SPOCK3: variants seen among roughly 807,000 people sequenced by gnomAD.
SPOCK3 encodes SPARC (osteonectin), cwcv and kazal like domains proteoglycan 3, also known as testican-3.
SPOCK3 carries 30 observed loss-of-function variants against 56.6 expected under a neutral mutation model. That is an observed-to-expected ratio of 0.53 (90% confidence interval 0.40 to 0.72). The LOEUF (loss-of-function observed/expected upper bound fraction) is 0.72. Among genes scored for constraint, SPOCK3 ranks in the 30% least tolerant of loss-of-function variants. The pLI is 0.00. For missense variants in SPOCK3, 527 were observed against 530.0 expected (o/e 0.99, Z 0.06); for synonymous variants, 196 against 183.3 (o/e 1.07, Z -0.56).
At chr4:166,999,236 G>T (rs569154522) in intron 4 of SPOCK3, among the ~76,000 whole-genome samples, 1 of 151,950 alleles carries the variant, frequency 6.6e-6, no homozygotes, top group Non-Finnish European at 1.5e-5. Flanking sequence ...TTTCAAACCC[G>T]CATACCTTTG....
chr4:167,152,424 C>T (rs931784712), intron 2 of SPOCK3, among the ~76,000 whole-genome samples: 2 of 152,112 alleles, frequency 1.3e-5, no homozygotes, highest in East Asian at 3.9e-4. Context: ...AACAACGAAC[C>T]ATGGAGTAGT....
intron 6 of SPOCK3, among the ~76,000 whole-genome samples, chr4:166,847,663 A>ATAGATATATATATATATATATATATC (rs1748227725): frequency 1.0e-5 from 1 of 98,358 alleles, no homozygotes; most frequent in East Asian, 4.1e-4. Flanking sequence ...ATATATATAT[A>ATAGATATATATATATATATATATATC]TATATATATA....
At chr4:167,001,047 A>G (rs537584775) in intron 3 of SPOCK3, among the ~76,000 whole-genome samples, 20 of 152,306 alleles carry the variant, frequency 1.3e-4, no homozygotes, top group Non-Finnish European at 4.4e-5. Flanking sequence ...CATTTCTTCA[A>G]ACAAACCTGT....
intron 4 of SPOCK3, among the ~76,000 whole-genome samples, chr4:166,953,037 G>C (rs1195736404): frequency 1.3e-5 from 2 of 151,780 alleles, no homozygotes; most frequent in African/African-American, 2.4e-5. Context: ...AGGACTTCAT[G>C]TCTAAAAAAC....
intron 6 of SPOCK3, among the ~76,000 whole-genome samples, chr4:166,879,942 C>T (rs1295472770): frequency 6.6e-6 from 1 of 152,122 alleles, no homozygotes; most frequent in African/African-American, 2.4e-5. Context: ...GACATGCCTG[C>T]TTCCCCTTTG....
intron 7 of SPOCK3, among the ~76,000 whole-genome samples, chr4:166,763,376 C>T (rs549735979): frequency 6.6e-6 from 1 of 151,846 alleles, no homozygotes; most frequent in Non-Finnish European, 1.5e-5. Context: ...TCAAGAGTTA[C>T]AACTCTTGAA....
intron 4 of SPOCK3, among the ~76,000 whole-genome samples, chr4:166,920,338 A>T (rs1738348957): frequency 6.6e-6 from 1 of 152,176 alleles, no homozygotes; most frequent in Non-Finnish European, 1.5e-5. Flanking sequence ...TGGCTAATGA[A>T]ATCTGAAATT....
intron 4 of SPOCK3, among the ~76,000 whole-genome samples, chr4:166,931,337 T>TA (rs1554004180): frequency 9.6e-6 from 1 of 104,506 alleles, no homozygotes; most frequent in Non-Finnish European, 2.1e-5. Flanking sequence ...GTGTGGGGGG[T>TA]GGGGGGGCAA....
intron 6 of SPOCK3, among the ~76,000 whole-genome samples, chr4:166,838,156 T>C (rs528377305): frequency 6.6e-6 from 1 of 152,322 alleles, no homozygotes; most frequent in South Asian, 2.1e-4. Flanking sequence ...TGTGGATTTC[T>C]TTAGCTTTAT....
chr4:167,079,710 G>C (rs552877898), intron 2 of SPOCK3, among the ~76,000 whole-genome samples: 1 of 152,116 alleles, frequency 6.6e-6, no homozygotes, highest in Admixed American at 6.6e-5. Context: ...GTTAATTACA[G>C]TTCAGGGAAA....
At chr4:166,821,529 A>G (rs948497274) in intron 6 of SPOCK3, among the ~76,000 whole-genome samples, 2 of 152,106 alleles carry the variant, frequency 1.3e-5, no homozygotes, top group African/African-American at 4.8e-5. Context: ...AGTGGAACCT[A>G]TCCAATTTTC....
intron 4 of SPOCK3, among the ~76,000 whole-genome samples, chr4:166,937,934 C>CTTTT (rs548107592): frequency 2.4e-4 from 31 of 131,550 alleles, no homozygotes; most frequent in African/African-American, 6.0e-4. Flanking sequence ...CGGCTAATCT[C>CTTTT]TTTTTTTTTT....
chr4:166,910,445 G>A (rs1192233576), intron 5 of SPOCK3, among the ~76,000 whole-genome samples: 1 of 151,930 alleles, frequency 6.6e-6, no homozygotes, highest in Non-Finnish European at 1.5e-5. Context: ...TGTGCCTCAC[G>A]CCCAAGGAGA....
rs530975630 is a variant in SPOCK3, at chr4:167,166,759, T to C, written c.189+67226A>G. The stretch of plus-strand genomic sequence containing the variant: ...TATTTCTTTTGAAAACTGTTAAAAA[T>C]GTATGCATGGGATTTTGAAAATGGC... On this transcript the variant is annotated intron_variant, in intron 2 of 10. Transcript: ENST00000357545. 7.9e-5 allele frequency among the ~76,000 whole-genome samples: 12 copies of C among 152,210 alleles called. 1 individual carries two copies. Among genetic ancestry groups the C allele is most frequent in the African/African-American group, 2.6e-4 (11 of 41,562 alleles).
rs1734318256 is a variant in SPOCK3, at chr4:166,737,388, G to C, written c.1132+79C>G. 8 of 1,440,964 alleles carry C rather than the reference G, an allele frequency of 5.6e-6. No individual in the cohort carries two copies. The Admixed American group carries it at 1.2e-4, about 21-fold the overall frequency. The allele number at this position is 1,440,964 out of a possible 1,614,324, so 89.3% of individuals were successfully genotyped here. On this transcript the variant is annotated intron_variant, in intron 10 of 10. Coordinates refer to ENST00000357545, the MANE Select transcript of SPOCK3 (RefSeq NM_001040159.2). Reference sequence around the variant, plus strand: ...TGCATAGAGTAAGTCCTCATTAAATGCTTGAACAAATGAATGAGGCTCTAA... The same window carrying C: ...TGCATAGAGTAAGTCCTCATTAAATCCTTGAACAAATGAATGAGGCTCTAA...
intron 6 of SPOCK3, among the ~76,000 whole-genome samples, chr4:166,844,734 A>G (rs181470101): frequency 2.0e-5 from 3 of 152,318 alleles, no homozygotes; most frequent in Admixed American, 1.3e-4. Flanking sequence ...ATACATATCT[A>G]TATCTACATC....
intron 2 of SPOCK3, among the ~76,000 whole-genome samples, chr4:167,068,598 T>C (rs1487672518): frequency 6.6e-6 from 1 of 151,850 alleles, no homozygotes; most frequent in Non-Finnish European, 1.5e-5. Context: ...AGAAAGCAGA[T>C]TTTTGATCAT....
intron 4 of SPOCK3, among the ~76,000 whole-genome samples, chr4:166,974,960 C>T (rs574764677): frequency 3.9e-5 from 6 of 152,152 alleles, no homozygotes; most frequent in Non-Finnish European, 5.9e-5. Context: ...TTAATTCTCT[C>T]ATAGATTAAT....
chr4:167,072,517 T>C (rs1187172272), intron 2 of SPOCK3, among the ~76,000 whole-genome samples: 1 of 151,984 alleles, frequency 6.6e-6, no homozygotes, highest in Non-Finnish European at 1.5e-5. Context: ...CAATATTTAA[T>C]GGAATACTTC....
Sources: gnomAD v4.1 joint callset for allele counts (sites outside exome capture counted in the v4.1 genomes callset) on GRCh38, gnomAD v4.1.1 for gene constraint, MANE v1.5 for transcripts, NCBI Gene and HGNC (gene_info 2026-07-23, HGNC 2026-07-21) for gene names.